PLK4: variants seen among roughly 807,000 people sequenced by gnomAD.
PLK4 encodes the protein polo like kinase 4.
In PLK4, 51 loss-of-function variants were observed where a neutral mutation model predicts 103.0. The ratio of observed to expected loss-of-function variants is 0.50; its 90% CI spans 0.40 to 0.63. The LOEUF is 0.63. Among genes scored for constraint, PLK4 ranks in the 20% least tolerant of loss-of-function variants. The pLI, the probability that PLK4 is intolerant of heterozygous loss-of-function variation, is 0.00. For missense variants in PLK4, 1,054 were observed against 1,151.0 expected (o/e 0.92, Z 1.22); for synonymous variants, 389 against 376.8 (o/e 1.03, Z -0.38).
rs749607207 is a variant in PLK4 at position 127,889,850 on chromosome 4, T to C, written c.1460-16T>C. ...TTAGTTATTTACTAAATTGCTTCAT[T>C]CTATGTATATTGTAGCTCATTTAAG... On this transcript the variant is annotated splice_polypyrimidine_tract_variant and intron_variant, in intron 6 of 15. Transcript: ENST00000270861. 2.0e-6 allele frequency: 3 copies of C among 1,535,760 alleles called. No individual in the cohort carries two copies. Among genetic ancestry groups the C allele is most frequent in the Non-Finnish European group, 2.6e-6 (3 of 1,139,536 alleles).
intron 1 of PLK4, 95 bp downstream of exon 1, chr4:127,881,259 C>G (rs1457761335): frequency 6.3e-7 from 1 of 1,592,878 alleles, no homozygotes; most frequent in African/African-American, 1.3e-5. Context: ...AAGCTAACGG[C>G]TGCGGGGCGG....
intron 7 of PLK4, among the ~76,000 whole-genome samples, chr4:127,890,565 T>C (rs1735318275): frequency 6.6e-6 from 1 of 152,158 alleles, no homozygotes; most frequent in Non-Finnish European, 1.5e-5. Context: ...GAGCTAATAT[T>C]ATCCTTTGCT....
intron 13 of PLK4, among the ~76,000 whole-genome samples, chr4:127,894,243 T>G (rs1308165720): frequency 2.0e-5 from 3 of 152,114 alleles, no homozygotes; most frequent in East Asian, 1.9e-4. Flanking sequence ...TAGTTTTTTT[T>G]TTTGTTTTTT....
In PLK4 at chr4:127,895,452, CTTTTTTTTTTT is replaced by C. The variant is rs70966059; in HGVS notation, c.2703+377_2703+387del. Among the ~76,000 whole-genome samples, 55 of 65,192 alleles carry C rather than the reference CTTTTTTTTTTT, an allele frequency of 8.4e-4. 1 individual carries two copies. The East Asian group carries it at 9.0e-3, about 11-fold the overall frequency. The allele number at this position is 65,192 out of a possible 152,430, so 42.8% of individuals were successfully genotyped here. A position where few individuals can be genotyped will look rare whatever the true frequency, so the allele number is the denominator to read the frequency against. On this transcript the variant is annotated intron_variant, in intron 14 of 15. Transcript: ENST00000270861. ...TAATCAATATTAGTAGAGTAACTTT[CTTTTTTTTTTT>C]TTTTTTTTTTTTTTTTTGAGACAAA...
intron 2 of PLK4, among the ~76,000 whole-genome samples, chr4:127,882,787 G>C (rs895013662): frequency 6.6e-6 from 1 of 152,036 alleles, no homozygotes; most frequent in African/African-American, 2.4e-5. Flanking sequence ...AAGCGTGGTG[G>C]CATGTGCCTG....
chr4:127,890,872 T>A (rs1735330063), intron 7 of PLK4: 1 of 342,464 alleles, frequency 2.9e-6, no homozygotes, highest in Admixed American at 4.7e-5. Context: ...GCTCATTGAT[T>A]ATCACTTCAC....
Position 127,893,524 on chromosome 4 carries a change from T to G in PLK4, c.2334T>G (p.Ile778Met). ...TTCTTTTGAAATAGGGTCATCGTAT[T>G]TGTTTAGCACTGGAATCCATAATTT... Reference protein sequence around the residue: ...YMDHANEGHRICLALESIISE... With the variant: ...YMDHANEGHRMCLALESIISE... The change falls in exon 12 of 16, where the codon ATT becomes ATG. Residue 778 changes from isoleucine to methionine, a missense_variant. By Grantham distance (10) the Ile-to-Met change is conservative (BLOSUM62 1). Coordinates refer to ENST00000270861, the MANE Select transcript of PLK4 (RefSeq NM_014264.5). The G allele has an allele frequency of 6.2e-7, 1 of 1,611,348 alleles. No individual in the cohort carries two copies. Among genetic ancestry groups the G allele is most frequent in the South Asian group, 1.1e-5 (1 of 90,410 alleles).
At chr4:127,893,483 A>G (rs1735443319) in intron 11 of PLK4, 30 bp from the exon 12 acceptor site, 1 of 1,601,822 alleles carries the variant, frequency 6.2e-7, no homozygotes. Context: ...TAGGTGAAAC[A>G]ATGACAGAAG....
Position 127,889,993 on chromosome 4 carries a change from T to G in PLK4, c.1587T>G (p.Asp529Glu). 6.2e-7 allele frequency: 1 copy of G among 1,614,134 alleles called. No individual in the cohort carries two copies. Among genetic ancestry groups the G allele is most frequent in the Non-Finnish European group, 8.5e-7 (1 of 1,179,962 alleles). The change falls in exon 7 of 16, where the codon GAT (aspartate) becomes GAG (glutamate). Residue 529 changes from aspartate to glutamate, a missense_variant. By Grantham distance (45) the Asp-to-Glu change is conservative. Coordinates refer to ENST00000270861, the MANE Select transcript of PLK4 (RefSeq NM_014264.5). The part of the protein sequence containing the change: ...WTDTKVKKNS[D>E]ASDNAHSVKQ... ...ATACAAAAGTCAAAAAGAACTCTGA[T>G]GCTTCTGATAATGCACATTCTGTAA...
intron 6 of PLK4, 68 bp downstream of exon 6, chr4:127,887,564 C>G: frequency 1.1e-6 from 1 of 900,236 alleles, no homozygotes; most frequent in East Asian, 2.6e-5. Flanking sequence ...TTGCAGTGTT[C>G]TATTTGAGAT....
Position 127,886,187 on chromosome 4 carries a change from A to G in PLK4, c.817A>G (p.Ser273Gly). 2 of 1,614,096 alleles carry G rather than the reference A, an allele frequency of 1.2e-6. No homozygotes were observed. The highest frequency in any genetic ancestry group is 1.7e-6 in the Non-Finnish European group (2 of 1,179,988). Residue 273 changes from serine to glycine, a missense_variant, in exon 5 of 16, where the codon AGT (serine) becomes GGT (glycine). Around this residue, in one of 4 missense-constraint regions of PLK4, gnomAD observed 680 missense variants for 660.3 expected, o/e 1.03. Coordinates refer to ENST00000270861, the MANE Select transcript of PLK4 (RefSeq NM_014264.5). ...TATGTCCCGAAATTCTTCAACAAAAAGTAAAGATTTAGGAACTGTGGAAGA... is the reference window on the plus strand; with the variant it reads ...TATGTCCCGAAATTCTTCAACAAAAGGTAAAGATTTAGGAACTGTGGAAGA... ...PFMSRNSSTK[S>G]KDLGTVEDSI...
At chr4:127,882,695 T>C (rs1004433998) in intron 2 of PLK4, among the ~76,000 whole-genome samples, 30 of 151,674 alleles carry the variant, frequency 2.0e-4, no homozygotes, top group Non-Finnish European at 3.5e-4. Flanking sequence ...GAGGCAGAGG[T>C]TGTGGTGAGC....
rs1735671173 is a variant in PLK4 at position 127,898,742 on chromosome 4, T to C, written c.*201T>C. The stretch of plus-strand genomic sequence containing the variant: ...CTTACTAAATATAGTGGATATAAAA[T>C]AGAACACCTGACTTTGCTCTTAGAC... On this transcript the variant is annotated 3_prime_UTR_variant, in exon 16 of 16. Transcript: ENST00000270861. The C allele has an allele frequency of 6.8e-6, 3 of 441,962 alleles. No homozygotes were observed. Among genetic ancestry groups the C allele is most frequent in the South Asian group, 4.5e-5 (1 of 22,168 alleles). 27.4% of individuals were successfully genotyped at this position (441,962 alleles called of 1,614,324 possible).
In PLK4 at chr4:127,886,476, A is replaced by G. The variant is rs768668416; in HGVS notation, c.1106A>G (p.His369Arg). The G allele has an allele frequency of 3.7e-6, 6 of 1,614,150 alleles. No individual in the cohort carries two copies. In the South Asian group the frequency reaches 4.4e-5, roughly 12 times the overall value. ...ATTCAAGATGCAGAAGAAAGGCCAC[A>G]TTCTCGATACCTTCGTAGAGCTTAT... is the stretch of plus-strand genomic sequence containing the variant. ...RVIQDAEERP[H>R]SRYLRRAYSS... The change falls in exon 5 of 16, where the codon CAT (histidine) becomes CGT (arginine). Residue 369 changes from histidine (H) to arginine (R), a missense_variant. His to Arg is a conservative substitution (Grantham distance 29, BLOSUM62 0). Coordinates refer to ENST00000270861, the MANE Select transcript of PLK4 (RefSeq NM_014264.5).
chr4:127,881,332 C>T (rs1734911306), intron 1 of PLK4, 168 bp downstream of exon 1: 4 of 1,471,238 alleles, frequency 2.7e-6, no homozygotes, highest in Non-Finnish European at 2.7e-6. Context: ...GGCGGAGCGG[C>T]CCGCCCCTCA....
intron 1 of PLK4, 59 bp downstream of exon 1, chr4:127,881,223 G>A (rs1215814151): frequency 4.3e-6 from 7 of 1,611,698 alleles, no homozygotes; most frequent in Middle Eastern, 3.3e-4. Flanking sequence ...GAGGACACGA[G>A]ACCGCTGTGG....
chr4:127,882,547 G>C (rs1734969727), intron 2 of PLK4, among the ~76,000 whole-genome samples: 1 of 152,118 alleles, frequency 6.6e-6, no homozygotes, highest in African/African-American at 2.4e-5. Context: ...ATCACCTGAG[G>C]TCGGTAGTTC....
In PLK4 at chr4:127,887,442, C is replaced by G. The variant is rs987540967; in HGVS notation, c.1405C>G (p.Pro469Ala). Residue 469 changes from proline to alanine, a missense_variant, in exon 6 of 16, where the codon CCG (proline) becomes GCG (alanine). Around this residue, in one of 4 missense-constraint regions of PLK4, gnomAD observed 680 missense variants for 660.3 expected, o/e 1.03. Transcript: ENST00000270861. ...PGKTPFPFADPTPQTETVQQW... is the reference protein window; with the variant it reads ...PGKTPFPFADATPQTETVQQW... ...AAAAACTCCTTTTCCATTTGCAGAC[C>G]CGACACCTCAGACTGAAACCGTACA... 1 of 1,611,422 alleles carries G rather than the reference C, an allele frequency of 6.2e-7. No individual in the cohort carries two copies. Among genetic ancestry groups the G allele is most frequent in the East Asian group, 2.2e-5 (1 of 44,830 alleles).
intron 14 of PLK4, among the ~76,000 whole-genome samples, chr4:127,895,698 G>A (rs1278061516): frequency 7.9e-5 from 12 of 151,882 alleles, no homozygotes; most frequent in Admixed American, 7.9e-4. Context: ...TGAGATTACA[G>A]GCGTGAGCCA....
Sources: gnomAD v4.1 joint callset for allele counts (sites outside exome capture counted in the v4.1 genomes callset) on GRCh38, gnomAD v4.1.1 for gene constraint, gnomAD v4.1.1 regional missense constraint, MANE v1.5 for transcripts, NCBI Gene and HGNC (gene_info 2026-07-23, HGNC 2026-07-21) for gene names.